RAB27B: variants seen among roughly 807,000 people sequenced by gnomAD.
RAB27B encodes ras-related protein Rab-27B.
RAB27B carries 15 observed loss-of-function variants against 24.6 expected under a neutral mutation model. The observed-to-expected ratio is 0.61, with a 90% confidence interval of 0.41 to 0.94. RAB27B has a LOEUF of 0.94. RAB27B is among the 40% of genes least tolerant of loss of function. RAB27B has a pLI of 0.00. For missense variants in RAB27B, 261 were observed against 266.8 expected (o/e 0.98, Z 0.15); for synonymous variants, 105 against 92.5 (o/e 1.14, Z -0.78).
At chr18:54,803,928 G>A (rs1909687799) in intron 2 of RAB27B, among the ~76,000 whole-genome samples, 1 of 152,232 alleles carries the variant, frequency 6.6e-6, no homozygotes, top group South Asian at 2.1e-4. Flanking sequence ...AGTTTTGGAA[G>A]TGACTTTATT....
intron 2 of RAB27B, among the ~76,000 whole-genome samples, chr18:54,753,891 G>A (rs995609960): frequency 6.6e-6 from 1 of 152,250 alleles, no homozygotes; most frequent in East Asian, 1.9e-4. Context: ...GGGTTTAGAA[G>A]AAATATTTAT....
chr18:54,762,312 C>G (rs1908216197), intron 2 of RAB27B, among the ~76,000 whole-genome samples: 1 of 152,188 alleles, frequency 6.6e-6, no homozygotes, highest in African/African-American at 2.4e-5. Flanking sequence ...GCCTCAGCCT[C>G]CTGAGTAGCT....
chr18:54,745,580 G>A (rs999951729), intron 2 of RAB27B: 4 of 156,744 alleles, frequency 2.6e-5, no homozygotes, highest in African/African-American at 9.6e-5. Flanking sequence ...CCACTGAGAG[G>A]TCTTAAGCTG....
rs138340266 is a variant in RAB27B, at chr18:54,873,119, G to A, written c.-19-4448G>A. 4.7e-4 allele frequency among the ~76,000 whole-genome samples: 71 copies of A among 151,844 alleles called. 1 individual carries two copies. In the East Asian group the frequency reaches 6.2e-3, roughly 13 times the overall value. On this transcript the variant is annotated intron_variant, in intron 1 of 5. Transcript: ENST00000262094. ...TCCTACTTTGTTTCTAACACAATTT[G>A]TATTTCAAATTATAATAATAATCTT...
At position 54,892,531 on chromosome 18, in the gene RAB27B, G is replaced by A. The variant is rs1368288054; in HGVS notation, c.*3118G>A. ...GATTAGGTACAAGCTTACCTTTTAGGGTAGAAAAAGAAAGATCATTTGAAA... is the reference window on the plus strand; with the variant it reads ...GATTAGGTACAAGCTTACCTTTTAGAGTAGAAAAAGAAAGATCATTTGAAA... On this transcript the variant is annotated 3_prime_UTR_variant, in exon 6 of 6. Coordinates refer to ENST00000262094, the MANE Select transcript of RAB27B (RefSeq NM_004163.4). 6.6e-6 allele frequency: 1 copy of A among 151,834 alleles called. No homozygotes were observed. The highest frequency in any genetic ancestry group is 2.4e-5 in the African/African-American group (1 of 41,348). 9.4% of individuals were successfully genotyped at this position (151,834 alleles called of 1,614,324 possible).
rs1909145975 is a variant in RAB27B at position 54,788,142 on chromosome 18, T to C, written c.-20+70001T>C. Among the ~76,000 whole-genome samples, 3 of 152,210 alleles carry C rather than the reference T, an allele frequency of 2.0e-5. No individual in the cohort carries two copies. The South Asian group carries it at 6.2e-4, about 32-fold the overall frequency. ...TAGAGTGGAAAGAATTAGCCCAGAC[T>C]GAATTTATACAAACTCAAATGGGAG... On this transcript the variant is annotated intron_variant, in intron 2 of 4. Transcript: ENST00000586570.
intron 2 of RAB27B, among the ~76,000 whole-genome samples, chr18:54,811,069 A>C (rs1441275996): frequency 6.6e-6 from 1 of 151,396 alleles, no homozygotes; most frequent in Non-Finnish European, 1.5e-5. Context: ...CTAATATTAT[A>C]ATATTAGAAT....
intron 1 of RAB27B, among the ~76,000 whole-genome samples, chr18:54,873,685 C>CTGTG (rs56409312): frequency 0.059 from 8,268 of 140,738 alleles, 287 homozygotes; most frequent in East Asian, 0.14. Context: ...GAGCCAAATC[C>CTGTG]TGTGTGTGTG....
chr18:54,765,937 A>T (rs1908347290), intron 2 of RAB27B, among the ~76,000 whole-genome samples: 1 of 152,200 alleles, frequency 6.6e-6, no homozygotes, highest in Non-Finnish European at 1.5e-5. Context: ...TATGTTTGGG[A>T]AATTATGAGT....
chr18:54,778,697 A>G lies in RAB27B; in HGVS notation c.-20+60556A>G, dbSNP rs76701399. On this transcript the variant is annotated intron_variant, in intron 2 of 4. Coordinates refer to the RAB27B transcript ENST00000586570. ...TGCTTTAACCCAGTTTTCTGCCCTC[A>G]TTTCCTTCCTTTCCATTCTTCTTCC... Among the ~76,000 whole-genome samples the G allele has an allele frequency of 3.8e-3, 573 of 151,992 alleles. 5 individuals carry two copies. Among genetic ancestry groups the G allele is most frequent in the African/African-American group, 0.013 (540 of 41,460 alleles).
chr18:54,800,266 A>G (rs1465876903), intron 2 of RAB27B, among the ~76,000 whole-genome samples: 1 of 152,212 alleles, frequency 6.6e-6, no homozygotes, highest in Non-Finnish European at 1.5e-5. Flanking sequence ...GCTATTATAA[A>G]CCATGTTACA....
intron 2 of RAB27B, among the ~76,000 whole-genome samples, chr18:54,740,525 T>A (rs1910039181): frequency 6.6e-6 from 1 of 152,206 alleles, no homozygotes; most frequent in Admixed American, 6.5e-5. Context: ...ATGTTTTATT[T>A]ATAGGATACC....
At chr18:54,835,117 G>C (rs1224558133) in intron 1 of RAB27B, among the ~76,000 whole-genome samples, 1 of 151,836 alleles carries the variant, frequency 6.6e-6, no homozygotes, top group African/African-American at 2.4e-5. Flanking sequence ...ATGGACTGTT[G>C]ATAAGTGTTC....
At position 54,879,429 on chromosome 18, in the gene RAB27B, C is replaced by G. The variant is rs1199734462; in HGVS notation, c.214C>G (p.Leu72Val). 6.2e-7 allele frequency: 1 copy of G among 1,612,592 alleles called. No homozygotes were observed. The highest frequency in any genetic ancestry group is 1.3e-5 in the African/African-American group (1 of 74,872). Reference sequence around the variant, plus strand: ...GAAAGCATTTAAAGTGCATCTTCAGCTTTGGGACACTGCGGGACAAGAGCG... The same window carrying G: ...GAAAGCATTTAAAGTGCATCTTCAGGTTTGGGACACTGCGGGACAAGAGCG... ...SGKAFKVHLQ[L>V]WDTAGQERFR... Residue 72 changes from leucine to valine, a missense_variant, in exon 3 of 6, where the codon CTT (leucine) becomes GTT (valine). Leu to Val is a conservative substitution (Grantham distance 32). Coordinates refer to ENST00000262094, the MANE Select transcript of RAB27B (RefSeq NM_004163.4).
chr18:54,874,606 A>G (rs1012169179), intron 1 of RAB27B, among the ~76,000 whole-genome samples: 4 of 151,776 alleles, frequency 2.6e-5, no homozygotes, highest in Admixed American at 6.6e-5. Flanking sequence ...ATTTTAAAGT[A>G]TGTAGATGTG....
Position 54,855,704 on chromosome 18 carries a change from G to A in RAB27B, c.-19-21863G>A, listed in dbSNP as rs1039397662. On this transcript the variant is annotated intron_variant, in intron 1 of 5. Coordinates refer to ENST00000262094, the MANE Select transcript of RAB27B (RefSeq NM_004163.4). ...TGTCTTAAATGCAGCTATTGATAGGGTTCAGTATACTATTGAAAAGTATAT... is the reference window on the plus strand; with the variant it reads ...TGTCTTAAATGCAGCTATTGATAGGATTCAGTATACTATTGAAAAGTATAT... Among the ~76,000 whole-genome samples, 9 of 152,264 alleles carry A rather than the reference G, an allele frequency of 5.9e-5. No individual in the cohort carries two copies. The South Asian group carries it at 1.5e-3, about 25-fold the overall frequency.
intron 1 of RAB27B, among the ~76,000 whole-genome samples, chr18:54,867,721 A>T (rs1158763985): frequency 5.3e-5 from 8 of 152,104 alleles, no homozygotes; most frequent in Admixed American, 5.2e-4. Context: ...CTGGGATTAC[A>T]GGCGTGAGCC....
rs191635269 is a variant in RAB27B at position 54,795,152 on chromosome 18, A to G, written c.-20+77011A>G. On this transcript the variant is annotated intron_variant, in intron 2 of 4. Coordinates refer to the RAB27B transcript ENST00000586570. The stretch of plus-strand genomic sequence containing the variant: ...TTACAGAATTTGTGATGCTACCACA[A>G]TGCCATCCACTGTCACATGCCTGAG... 2.9e-3 allele frequency among the ~76,000 whole-genome samples: 441 copies of G among 152,278 alleles called. 2 individuals carry two copies. Among genetic ancestry groups the G allele is most frequent in the African/African-American group, 0.01 (424 of 41,566 alleles).
chr18:54,782,873 C>T (rs1393049987), intron 2 of RAB27B, among the ~76,000 whole-genome samples: 1 of 151,596 alleles, frequency 6.6e-6, no homozygotes, highest in East Asian at 1.9e-4. Context: ...GAACCCTGTA[C>T]AAAAACAGAA....
Sources: allele counts gnomAD v4.1 joint callset (sites outside exome capture counted in the v4.1 genomes callset), GRCh38; gene constraint gnomAD v4.1.1; transcripts MANE v1.5; gene names NCBI Gene and HGNC (gene_info 2026-07-23, HGNC 2026-07-21).